SCARA5: variants seen among roughly 807,000 people sequenced by gnomAD.
The protein encoded by SCARA5 is scavenger receptor class A member 5.
SCARA5 carries 45 observed loss-of-function variants against 46.3 expected under a neutral mutation model. The observed-to-expected ratio is 0.97, with a 90% CI of 0.76 to 1.24. The LOEUF (loss-of-function observed/expected upper bound fraction) is 1.24. Among genes scored for constraint, SCARA5 ranks in the 50% most tolerant of loss-of-function variants. The pLI is 0.00. For synonymous variants in SCARA5, 333 were observed against 306.5 expected, an observed-to-expected ratio of 1.09 and a Z score of -0.90; for missense variants, 680 against 689.0, an observed-to-expected ratio of 0.99 and a Z score of 0.15.
Position 27,888,769 on chromosome 8 carries a change from A to G in SCARA5, c.1154-9003T>C, listed in dbSNP as rs73567004. Among the ~76,000 whole-genome samples, 845 of 152,330 alleles carry G rather than the reference A, an allele frequency of 5.5e-3. 7 individuals are homozygous for G. The highest frequency in any genetic ancestry group is 0.018 in the African/African-American group (740 of 41,576). ...GTTCTTCCCTTTGATACAGAGAAGC[A>G]GAAAGAGAAAAGTGCTGTCACCTCA... On this transcript the variant is annotated intron_variant, in intron 7 of 8. Transcript: ENST00000354914.
chr8:27,954,769 C>T (rs900303249), intron 3 of SCARA5, among the ~76,000 whole-genome samples: 1 of 152,182 alleles, frequency 6.6e-6, no homozygotes, highest in African/African-American at 2.4e-5. Flanking sequence ...CATTGACTTC[C>T]TCAAGGAACT....
intron 3 of SCARA5, among the ~76,000 whole-genome samples, chr8:27,940,257 A>G (rs2685306): frequency 0.3 from 46,040 of 152,056 alleles, 7,411 homozygotes; most frequent in East Asian, 0.37. Flanking sequence ...AGCATGTGAG[A>G]AATCTGAGTC....
intron 4 of SCARA5, among the ~76,000 whole-genome samples, chr8:27,916,845 T>A (rs1050525664): frequency 6.6e-6 from 1 of 151,828 alleles, no homozygotes; most frequent in Non-Finnish European, 1.5e-5. Context: ...AGTGTTTGCA[T>A]CCCCCCCGAT....
intron 1 of SCARA5, among the ~76,000 whole-genome samples, chr8:27,989,344 T>C (rs550497718): frequency 6.6e-6 from 1 of 152,114 alleles, no homozygotes; most frequent in East Asian, 1.9e-4. Context: ...GCCAGGCTGG[T>C]CTGGAACTCC....
chr8:27,900,148 AC>A (rs202091231), intron 7 of SCARA5, among the ~76,000 whole-genome samples: 2 of 151,444 alleles, frequency 1.3e-5, no homozygotes, highest in Non-Finnish European at 2.9e-5. Flanking sequence ...AAAAAAAAAA[AC>A]CAAAAAAACA....
chr8:27,885,119 G>C (rs1048584368), intron 7 of SCARA5, among the ~76,000 whole-genome samples: 1 of 151,690 alleles, frequency 6.6e-6, no homozygotes, highest in Non-Finnish European at 1.5e-5. Context: ...CACCATCTTG[G>C]ACAGGTGGAC....
chr8:27,967,901 A>C (rs1183840223), intron 2 of SCARA5, among the ~76,000 whole-genome samples: 1 of 152,154 alleles, frequency 6.6e-6, no homozygotes, highest in East Asian at 1.9e-4. Flanking sequence ...TGTCACAGTA[A>C]GACTGTCAAA....
At chr8:27,906,310 C>T (rs374279722) in intron 6 of SCARA5, among the ~76,000 whole-genome samples, 4 of 152,140 alleles carry the variant, frequency 2.6e-5, no homozygotes, top group Admixed American at 6.5e-5. Context: ...AATCTTGAAG[C>T]GAGCATGAAA....
Position 27,966,483 on chromosome 8 carries a change from G to C in SCARA5, c.172C>G (p.Leu58Val), listed in dbSNP as rs371870933. ...TAGAGCCCCAGGACAGCATGCTTCA[G>C]GGCCGACAGGGACCCCAGCTGGGTA... ...CCTQLGSLSA[L>V]KHAVLGLYLL... The change falls in exon 3 of 9, where the codon CTG becomes GTG. Residue 58 changes from leucine to valine, a missense_variant. Leu to Val is a conservative substitution (Grantham distance 32). Transcript: ENST00000354914. 218 of 1,613,796 alleles carry C rather than the reference G, an allele frequency of 1.4e-4. 1 individual carries two copies. The highest frequency in any genetic ancestry group is 8.2e-4 in the Middle Eastern group (5 of 6,076).
intron 2 of SCARA5, among the ~76,000 whole-genome samples, chr8:27,969,030 G>T (rs1215415706): frequency 6.6e-6 from 1 of 152,100 alleles, no homozygotes; most frequent in East Asian, 1.9e-4. Context: ...CATAATGAGG[G>T]TTTCAAATAG....
chr8:27,947,674 G>A (rs530064391), intron 3 of SCARA5, among the ~76,000 whole-genome samples: 5 of 144,910 alleles, frequency 3.5e-5, no homozygotes, highest in Non-Finnish European at 6.0e-5. Context: ...CCAAGTCCGA[G>A]ACCAGCCTGA....
intron 7 of SCARA5, among the ~76,000 whole-genome samples, chr8:27,892,852 T>C (rs1815032): frequency 0.97 from 147,164 of 152,192 alleles, 71,351 homozygotes; most frequent in East Asian, 1. Flanking sequence ...GTGATCCGCC[T>C]GCCTGGGCCT....
chr8:27,906,196 A>C (rs147665913), intron 6 of SCARA5, among the ~76,000 whole-genome samples: 1 of 152,228 alleles, frequency 6.6e-6, no homozygotes, highest in Admixed American at 6.5e-5. Context: ...AATGATTAGC[A>C]GTACTTTTTT....
chr8:27,929,175 C>A (rs1807727905), intron 3 of SCARA5, among the ~76,000 whole-genome samples: 1 of 152,310 alleles, frequency 6.6e-6, no homozygotes, highest in African/African-American at 2.4e-5. Flanking sequence ...CTGCAGGCCC[C>A]GGCCTGAGCT....
Position 27,982,318 on chromosome 8 carries a change from C to T in SCARA5, c.112+5186G>A, listed in dbSNP as rs539121558. Among the ~76,000 whole-genome samples, 411 of 150,784 alleles carry T rather than the reference C, an allele frequency of 2.7e-3. 3 individuals carry two copies. The highest frequency in any genetic ancestry group is 9.5e-3 in the African/African-American group (391 of 41,042). On this transcript the variant is annotated intron_variant, in intron 2 of 8. Transcript: ENST00000354914. The stretch of plus-strand genomic sequence containing the variant: ...ATCGGCCTCCTCCTCCACCTCCTGG[C>T]GCCAGACTGGAGAGGCCCCGGCTGC...
chr8:27,981,338 GC>G (rs1283761164), intron 2 of SCARA5, among the ~76,000 whole-genome samples: 1 of 152,206 alleles, frequency 6.6e-6, no homozygotes, highest in Non-Finnish European at 1.5e-5. Context: ...CCACCCTTGG[GC>G]CCAAAGGGTC....
intron 3 of SCARA5, among the ~76,000 whole-genome samples, chr8:27,964,599 T>C (rs1317406191): frequency 2.0e-5 from 3 of 152,180 alleles, no homozygotes; most frequent in African/African-American, 7.2e-5. Flanking sequence ...TTATTTTGAA[T>C]GGAAATCTGT....
At chr8:27,882,909 T>A (rs907965066) in intron 7 of SCARA5, among the ~76,000 whole-genome samples, 1 of 152,324 alleles carries the variant, frequency 6.6e-6, no homozygotes, top group African/African-American at 2.4e-5. Flanking sequence ...TCGACCTGAA[T>A]GACCTTAAGG....
At chr8:27,891,829 G>A (rs192250222) in intron 7 of SCARA5, among the ~76,000 whole-genome samples, 21 of 152,262 alleles carry the variant, frequency 1.4e-4, no homozygotes, top group South Asian at 1.0e-3. Flanking sequence ...TGTACACATC[G>A]AGGTGGCATT....
Sources: gnomAD v4.1 joint callset for allele counts (sites outside exome capture counted in the v4.1 genomes callset) on GRCh38, gnomAD v4.1.1 for gene constraint, MANE v1.5 for transcripts, NCBI Gene and HGNC (gene_info 2026-07-23, HGNC 2026-07-21) for gene names.